Variants in MAOA observed in about 807,000 individuals in gnomAD.
MAOA encodes the protein monoamine oxidase A.
A neutral mutation model predicts 42.0 loss-of-function variants in MAOA; 6 were observed. That is an observed-to-expected ratio of 0.14 (90% CI 0.08 to 0.28). The LOEUF (loss-of-function observed/expected upper bound fraction) is 0.28. Ranked by LOEUF, MAOA falls within the 10% of genes least tolerant of loss-of-function variation. The pLI is 1.00. For missense variants in MAOA, 262 were observed against 422.3 expected (o/e 0.62, Z 3.33); for synonymous variants, 140 against 154.0 (o/e 0.91, Z 0.67).
chrX:43,740,852 T>G, intron 11 of MAOA, 114 bp downstream of exon 11: 1 of 656,163 alleles, frequency 1.5e-6, no homozygotes, highest in Non-Finnish European at 2.2e-6. Flanking sequence ...TAAAGCGATA[T>G]GCTTAACTTG....
At chrX:43,658,468 A>G (rs966114947) in intron 1 of MAOA, among the ~76,000 whole-genome samples, 10 of 111,910 alleles carry the variant, frequency 8.9e-5, no homozygotes, top group African/African-American at 3.3e-4. Context: ...AACCAGTTTC[A>G]TACTCAGTCC....
chrX:43,657,124 GAACTGTGTTTATATATATA>G, intron 1 of MAOA, among the ~76,000 whole-genome samples: 1 of 81,128 alleles, frequency 1.2e-5, no homozygotes, highest in African/African-American at 4.8e-5. Context: ...GTGTGTGTAT[GAACTGTGTTTATATATATA>G]TATGAACTGT....
rs765593869 is a variant in MAOA at position 43,709,367 on chromosome X, A to G, written c.307-2505A>G. Among the ~76,000 whole-genome samples the G allele has an allele frequency of 9.9e-5, 11 of 111,129 alleles. No homozygotes were observed. In the East Asian group the frequency reaches 3.1e-3, roughly 32 times the overall value. The stretch of plus-strand genomic sequence containing the variant: ...TGTGGGACACATTTTGTTGAGTTAT[A>G]TTTATAATTCTTTTCTTTATGTTCC... On this transcript the variant is annotated intron_variant, in intron 3 of 14. Coordinates refer to ENST00000338702, the MANE Select transcript of MAOA (RefSeq NM_000240.4).
Position 43,744,571 on chromosome X carries a change from T to C in MAOA, c.*58T>C, listed in dbSNP as rs1242673980. 4.3e-6 allele frequency: 5 copies of C among 1,156,955 alleles called. No homozygotes were observed. Among genetic ancestry groups the C allele is most frequent in the Non-Finnish European group, 5.9e-6 (5 of 847,488 alleles). ...TTCAATACCACCAAGAGGAAAATAT[T>C]GACAAGTTTAAAGGCTGTGTCATTG... On this transcript the variant is annotated 3_prime_UTR_variant, in exon 15 of 15. Coordinates refer to ENST00000338702, the MANE Select transcript of MAOA (RefSeq NM_000240.4).
chrX:43,719,422 C>T (rs2033770805), intron 5 of MAOA, among the ~76,000 whole-genome samples: 1 of 110,408 alleles, frequency 9.1e-6, no homozygotes, highest in Non-Finnish European at 1.9e-5. Flanking sequence ...CAATCTGCCA[C>T]AAGGGTGGTT....
intron 1 of MAOA, among the ~76,000 whole-genome samples, chrX:43,669,206 C>T (rs1056337929): frequency 1.5e-4 from 16 of 104,572 alleles, no homozygotes; most frequent in African/African-American, 4.6e-4. Context: ...ATCAGGAGTT[C>T]GAGACCAACC....
chrX:43,730,581 T>C (rs745765928), intron 6 of MAOA, among the ~76,000 whole-genome samples: 36 of 98,987 alleles, frequency 3.6e-4, no homozygotes, highest in African/African-American at 1.3e-3. Context: ...AACCTCCGCC[T>C]CCTGGGTTCA....
chrX:43,669,378 A>G (rs1322980199), intron 1 of MAOA, among the ~76,000 whole-genome samples: 2 of 111,031 alleles, frequency 1.8e-5, no homozygotes, highest in African/African-American at 6.5e-5. Context: ...AGACCGTACC[A>G]CTGCACTCCA....
At chrX:43,735,930 A>G (rs1286464326) in intron 9 of MAOA, among the ~76,000 whole-genome samples, 1 of 113,063 alleles carries the variant, frequency 8.8e-6, no homozygotes, top group East Asian at 2.8e-4. Flanking sequence ...ATCATTTAGC[A>G]CAACATTCAT....
At chrX:43,737,323 G>A (rs1032634934) in intron 10 of MAOA, among the ~76,000 whole-genome samples, 3 of 111,519 alleles carry the variant, frequency 2.7e-5, no homozygotes, top group Non-Finnish European at 5.7e-5. Context: ...GATGGGGAAT[G>A]ATTTGTTCAA....
intron 11 of MAOA, among the ~76,000 whole-genome samples, chrX:43,741,482 G>C (rs1318150804): frequency 9.0e-6 from 1 of 111,498 alleles, no homozygotes; most frequent in African/African-American, 3.3e-5. Flanking sequence ...AAAGTGGCTG[G>C]GAAAAAAGCC....
At chrX:43,669,784 A>C (rs1341626251) in intron 1 of MAOA, among the ~76,000 whole-genome samples, 1 of 111,820 alleles carries the variant, frequency 8.9e-6, no homozygotes, top group Non-Finnish European at 1.9e-5. Context: ...CCTCCATAGC[A>C]CCTTTTTTTT....
At chrX:43,697,443 G>A (rs976799258) in intron 3 of MAOA, among the ~76,000 whole-genome samples, 2 of 112,003 alleles carry the variant, frequency 1.8e-5, no homozygotes, top group African/African-American at 6.5e-5. Context: ...ATTGTTTGAT[G>A]GATGCAGTAA....
Position 43,744,655 on chromosome X carries a change from A to G in MAOA, c.*142A>G. ...TTGGCTTAATTCCAATCATTGTTAAAGTAAAAACAATTCAAAGAATCACCT... is the reference window on the plus strand; with the variant it reads ...TTGGCTTAATTCCAATCATTGTTAAGGTAAAAACAATTCAAAGAATCACCT... On this transcript the variant is annotated 3_prime_UTR_variant, in exon 15 of 15. Coordinates refer to ENST00000338702, the MANE Select transcript of MAOA (RefSeq NM_000240.4). 1 of 627,593 alleles carries G rather than the reference A, an allele frequency of 1.6e-6. No individual in the cohort carries two copies. The highest frequency in any genetic ancestry group is 2.5e-6 in the Non-Finnish European group (1 of 392,681). The allele number at this position is 627,593 out of a possible 1,213,427, so 51.7% of individuals were successfully genotyped here. A position where few individuals can be genotyped will look rare whatever the true frequency, so the allele number is the denominator to read the frequency against.
intron 1 of MAOA, among the ~76,000 whole-genome samples, chrX:43,668,715 C>A (rs142677545): frequency 0.027 from 3,009 of 111,899 alleles, 49 homozygotes; most frequent in Non-Finnish European, 0.043. Flanking sequence ...ACCAGCACAA[C>A]TCTTTCTACT....
At chrX:43,717,106 A>C (rs920231731) in intron 5 of MAOA, among the ~76,000 whole-genome samples, 1 of 110,310 alleles carries the variant, frequency 9.1e-6, no homozygotes, top group Non-Finnish European at 1.9e-5. Flanking sequence ...GGTGGGGGGA[A>C]ATGGTATCTT....
intron 14 of MAOA, 44 bp downstream of exon 14, chrX:43,744,215 A>G (rs745314498): frequency 8.6e-7 from 1 of 1,156,366 alleles, no homozygotes; most frequent in South Asian, 1.8e-5. Flanking sequence ...TAGACCAATC[A>G]TGGAACATAA....
rs1162175935 is a variant in MAOA, at chrX:43,728,185, G to A, written c.516G>A (p.Arg172=). ...GTTCTATGAACAGGACTGCTAGGCG[G>A]TTTGCTTATCTTTTTGTGAATATCA... ...DKICWTKTAR[R]FAYLFVNINV... Residue 172 remains arginine, a synonymous_variant, in exon 6 of 15, where the codon CGG becomes CGA. Coordinates refer to ENST00000338702, the MANE Select transcript of MAOA (RefSeq NM_000240.4). 1.7e-6 allele frequency: 2 copies of A among 1,210,724 alleles called. No homozygotes were observed. The highest frequency in any genetic ancestry group is 1.7e-5 in the African/African-American group (1 of 57,677).
rs752147192 is a variant in MAOA, at chrX:43,731,702, C to T, written c.804C>T (p.Tyr268=). The change falls in exon 8 of 15, where the codon TAC becomes TAT. Residue 268 remains tyrosine, a synonymous_variant. Transcript: ENST00000338702. ...GCTTGTGTGTGTTTTAGTGCAAATA[C>T]GTAATTAATGCGATCCCTCCGACCT... is the stretch of plus-strand genomic sequence containing the variant. ...TLNHEHYECK[Y]VINAIPPTLT... The T allele has an allele frequency of 3.2e-5, 39 of 1,208,889 alleles. No homozygotes were observed. Among genetic ancestry groups the T allele is most frequent in the South Asian group, 1.9e-4 (11 of 56,803 alleles).
Sources: gnomAD v4.1 joint callset for allele counts (sites outside exome capture counted in the v4.1 genomes callset) on GRCh38, gnomAD v4.1.1 for gene constraint, MANE v1.5 for transcripts, NCBI Gene and HGNC (gene_info 2026-07-23, HGNC 2026-07-21) for gene names.